The following MAGI1 variants were observed in gnomAD, a reference collection of about 807,000 sequenced individuals.
MAGI1 encodes the protein membrane associated guanylate kinase, WW and PDZ domain containing 1.
A neutral mutation model predicts 139.9 loss-of-function variants in MAGI1; 58 were observed. That is an observed-to-expected ratio of 0.41 (90% CI 0.34 to 0.52). The LOEUF is 0.52. Ranked by LOEUF, MAGI1 falls within the 20% of genes least tolerant of loss-of-function variation. MAGI1 has a pLI of 0.12. For missense variants in MAGI1, 1,874 were observed against 1,901.6 expected (o/e 0.99, Z 0.27); for synonymous variants, 812 against 737.9 (o/e 1.10, Z -1.63).
At chr3:65,434,984 G>T (rs1389537376) in intron 10 of MAGI1, among the ~76,000 whole-genome samples, 2 of 152,270 alleles carry the variant, frequency 1.3e-5, no homozygotes, top group South Asian at 4.1e-4. Context: ...AAGAGGAAGA[G>T]AACTAGTACT....
At chr3:65,752,662 A>C (rs1181840665) in intron 1 of MAGI1, among the ~76,000 whole-genome samples, 1 of 152,182 alleles carries the variant, frequency 6.6e-6, no homozygotes, top group East Asian at 1.9e-4. Context: ...CTACTTGATC[A>C]AACTTTAGTC....
intron 1 of MAGI1, among the ~76,000 whole-genome samples, chr3:66,006,381 G>A (rs1442812475): frequency 3.3e-5 from 5 of 152,124 alleles, no homozygotes; most frequent in Admixed American, 2.6e-4. Flanking sequence ...AGTCTTAAAA[G>A]CTTCTCCTAA....
chr3:65,718,648 G>A (rs1344980270), intron 1 of MAGI1: 2 of 152,214 alleles, frequency 1.3e-5, no homozygotes, highest in East Asian at 1.9e-4. Flanking sequence ...TTCAGAGCAC[G>A]TTCTCAGATC....
chr3:65,430,632 T>C, intron 11 of MAGI1, 67 bp downstream of exon 11: 2 of 1,522,406 alleles, frequency 1.3e-6, no homozygotes, highest in East Asian at 2.3e-5. Flanking sequence ...ACATCATGAT[T>C]GCACATGTTT....
intron 18 of MAGI1, among the ~76,000 whole-genome samples, chr3:65,375,143 A>C (rs1643106008): frequency 6.6e-6 from 1 of 152,124 alleles, no homozygotes; most frequent in Admixed American, 6.5e-5. Flanking sequence ...ACAAGGACAC[A>C]AAAAGCTAAA....
At chr3:66,034,652 T>C (rs2068817380) in intron 1 of MAGI1, among the ~76,000 whole-genome samples, 1 of 152,116 alleles carries the variant, frequency 6.6e-6, no homozygotes, top group Non-Finnish European at 1.5e-5. Context: ...GCTTTATTCG[T>C]AATAGTAAAA....
intron 1 of MAGI1, among the ~76,000 whole-genome samples, chr3:65,720,940 C>G (rs1307637202): frequency 1.3e-5 from 2 of 151,862 alleles, no homozygotes; most frequent in East Asian, 3.9e-4. Context: ...CGGGGTTTCA[C>G]CATGTTGCCC....
intron 12 of MAGI1, among the ~76,000 whole-genome samples, chr3:65,414,771 C>T (rs988568490): frequency 2.0e-5 from 3 of 151,410 alleles, no homozygotes; most frequent in Middle Eastern, 3.4e-3. Context: ...TGGTGGTTCA[C>T]GCCTGTAATC....
intron 1 of MAGI1, among the ~76,000 whole-genome samples, chr3:65,663,519 A>G (rs1477514692): frequency 2.0e-5 from 3 of 152,196 alleles, no homozygotes; most frequent in African/African-American, 7.2e-5. Flanking sequence ...CCTAAAATTC[A>G]AAGGTCATGA....
Position 65,429,530 on chromosome 3 carries a change from C to T in MAGI1, c.2157G>A (p.Val719=), listed in dbSNP as rs373238688. ...CPKGSEVTLL[V]QRGGLPVPKK... Reference sequence around the variant, plus strand: ...AACAACCCTACTTACCTCCTCGTTGCACCAACAATGTGACCTCACTTCCCT... The same window carrying T: ...AACAACCCTACTTACCTCCTCGTTGTACCAACAATGTGACCTCACTTCCCT... Residue 719 remains valine, a synonymous_variant, in exon 12 of 23, where the codon GTG becomes GTA. Transcript: ENST00000402939. 1.2e-6 allele frequency: 2 copies of T among 1,608,272 alleles called. No individual in the cohort carries two copies. Among genetic ancestry groups the T allele is most frequent in the Non-Finnish European group, 1.7e-6 (2 of 1,175,982 alleles).
At chr3:65,596,383 G>T (rs2082198994) in intron 2 of MAGI1, among the ~76,000 whole-genome samples, 1 of 152,246 alleles carries the variant, frequency 6.6e-6, no homozygotes, top group South Asian at 2.1e-4. Flanking sequence ...AAGAGGAGTA[G>T]TAAAACAAAC....
At chr3:65,720,705 T>C (rs1369700491) in intron 1 of MAGI1, among the ~76,000 whole-genome samples, 1 of 152,138 alleles carries the variant, frequency 6.6e-6, no homozygotes, top group Non-Finnish European at 1.5e-5. Flanking sequence ...AGGCCTTCGC[T>C]CTGCCTGAGC....
intron 21 of MAGI1, 67 bp downstream of exon 21, chr3:65,363,398 C>A: frequency 6.6e-7 from 1 of 1,506,794 alleles, no homozygotes; most frequent in Non-Finnish European, 8.9e-7. Context: ...ACATTCTAAC[C>A]ATATATGACA....
chr3:65,763,384 T>C (rs1443276239), intron 1 of MAGI1, among the ~76,000 whole-genome samples: 1 of 152,160 alleles, frequency 6.6e-6, no homozygotes, highest in Non-Finnish European at 1.5e-5. Context: ...TTACATAAAT[T>C]TGTAAGCTTT....
At chr3:65,817,035 C>T (rs1370575973) in intron 1 of MAGI1, among the ~76,000 whole-genome samples, 3 of 152,190 alleles carry the variant, frequency 2.0e-5, no homozygotes, top group Non-Finnish European at 2.9e-5. Context: ...AGGGTTTGGA[C>T]ATAAATTGCA....
chr3:65,965,022 G>T (rs1215031457), intron 1 of MAGI1, among the ~76,000 whole-genome samples: 1 of 152,184 alleles, frequency 6.6e-6, no homozygotes, highest in Non-Finnish European at 1.5e-5. Context: ...AAAGCCCCAA[G>T]GCATAATTAG....
intron 2 of MAGI1, among the ~76,000 whole-genome samples, chr3:65,538,655 A>C (rs749905473): frequency 2.0e-5 from 3 of 152,130 alleles, no homozygotes; most frequent in Non-Finnish European, 4.4e-5. Flanking sequence ...GATTCTCTTC[A>C]ATCAGGAAGG....
intron 1 of MAGI1, among the ~76,000 whole-genome samples, chr3:65,987,942 C>A (rs1576371551): frequency 1.3e-5 from 2 of 152,312 alleles, no homozygotes; most frequent in South Asian, 2.1e-4. Flanking sequence ...TAAATAAATT[C>A]AAGGACTGCC....
At chr3:66,020,657 C>T (rs1010174687) in intron 1 of MAGI1, among the ~76,000 whole-genome samples, 2 of 152,180 alleles carry the variant, frequency 1.3e-5, no homozygotes, top group African/African-American at 4.8e-5. Context: ...ATCAGTTCAT[C>T]TCCTTTGCTA....
Sources: gnomAD v4.1 joint callset for allele counts (sites outside exome capture counted in the v4.1 genomes callset) on GRCh38, gnomAD v4.1.1 for gene constraint, MANE v1.5 for transcripts, NCBI Gene and HGNC (gene_info 2026-07-23, HGNC 2026-07-21) for gene names.